TOM1L1: variants seen among roughly 807,000 people sequenced by gnomAD.
The protein encoded by TOM1L1 is TOM1-like protein 1.
In TOM1L1, 64 loss-of-function variants were observed where a neutral mutation model predicts 63.4. The observed-to-expected ratio is 1.01, with a 90% CI of 0.83 to 1.24. The LOEUF (loss-of-function observed/expected upper bound fraction) is 1.24. TOM1L1 is among the 50% of genes most tolerant of loss of function. The probability of loss-of-function intolerance (pLI) is 0.00; values close to 1 mark genes in which losing one functional copy is unlikely to be tolerated. For synonymous variants in TOM1L1, 166 were observed against 194.4 expected (o/e 0.85, Z 1.22); for missense variants, 536 against 567.0 (o/e 0.95, Z 0.55).
chr17:54,952,546 CAAAA>C (rs71159275), intron 14 of TOM1L1: 10 of 90,172 alleles, frequency 1.1e-4, no homozygotes, highest in African/African-American at 3.0e-4. Flanking sequence ...GAGACTGTCT[CAAAA>C]AAAAAAAAAA....
chr17:54,950,181 C>CTCTGCTATCAA, intron 14 of TOM1L1, 55 bp downstream of exon 14: 10 of 1,349,416 alleles, frequency 7.4e-6, no homozygotes, highest in Non-Finnish European at 1.1e-5. Flanking sequence ...CCTTTGATAG[C>CTCTGCTATCAA]AGAGCTAACA....
At chr17:54,934,467 G>A (rs1198115441) in intron 8 of TOM1L1, among the ~76,000 whole-genome samples, 2 of 152,082 alleles carry the variant, frequency 1.3e-5, no homozygotes, top group East Asian at 3.8e-4. Flanking sequence ...GGGTACCTTT[G>A]TGAGGGTGGG....
chr17:54,923,540 ATTATT>A (rs2048717074), intron 7 of TOM1L1, among the ~76,000 whole-genome samples: 1 of 151,220 alleles, frequency 6.6e-6, no homozygotes, highest in Non-Finnish European at 1.5e-5. Context: ...TTTTAAATTA[ATTATT>A]TTATTTATTT....
At chr17:54,925,976 T>TA (rs1342032598) in intron 7 of TOM1L1, among the ~76,000 whole-genome samples, 6 of 152,172 alleles carry the variant, frequency 3.9e-5, no homozygotes, top group Non-Finnish European at 8.8e-5. Context: ...TGTTTATACT[T>TA]ACCTTCTAGT....
intron 6 of TOM1L1, 148 bp from the exon 7 acceptor site, chr17:54,915,594 ATATG>A: frequency 4.3e-6 from 2 of 463,152 alleles, no homozygotes; most frequent in Non-Finnish European, 7.5e-6. Context: ...TAAAATAACT[ATATG>A]TATATTTATA....
chr17:54,901,189 G>A, intron 1 of TOM1L1: 2 of 551,570 alleles, frequency 3.6e-6, no homozygotes, highest in East Asian at 3.1e-5. Flanking sequence ...CAGGTGAACC[G>A]CGGGAGTCAG....
chr17:54,901,631 T>G (rs1483744887), intron 1 of TOM1L1, among the ~76,000 whole-genome samples: 1 of 152,104 alleles, frequency 6.6e-6, no homozygotes, highest in South Asian at 2.1e-4. Context: ...CTGCTCCTTC[T>G]TTTCCCTGAT....
chr17:54,951,929 A>G (rs762416010), intron 14 of TOM1L1: 9 of 152,220 alleles, frequency 5.9e-5, no homozygotes, highest in Non-Finnish European at 1.2e-4. Flanking sequence ...TTTATTACTT[A>G]GCACAAGTAA....
chr17:54,935,844 C>T (rs936603830), intron 8 of TOM1L1, among the ~76,000 whole-genome samples: 8 of 152,052 alleles, frequency 5.3e-5, no homozygotes, highest in Non-Finnish European at 1.0e-4. Flanking sequence ...CAGTGAAGGC[C>T]GGGCGCGGTG....
At chr17:54,915,263 T>C (rs1462641585) in intron 6 of TOM1L1, among the ~76,000 whole-genome samples, 1 of 152,232 alleles carries the variant, frequency 6.6e-6, no homozygotes, top group Non-Finnish European at 1.5e-5. Flanking sequence ...TATATAAAAA[T>C]GCATGTGACT....
intron 8 of TOM1L1, 64 bp downstream of exon 8, chr17:54,930,270 C>A: frequency 6.3e-7 from 1 of 1,599,412 alleles, no homozygotes; most frequent in Non-Finnish European, 8.5e-7. Context: ...AATTACTCAG[C>A]ATTCTTATCA....
chr17:54,955,364 C>CA (rs2049446140), intron 14 of TOM1L1, among the ~76,000 whole-genome samples: 2 of 152,130 alleles, frequency 1.3e-5, no homozygotes, highest in African/African-American at 4.8e-5. Flanking sequence ...TCAGAGAAAG[C>CA]ACACACACTG....
Position 54,914,564 on chromosome 17 carries a change from G to T in TOM1L1, c.499-75G>T, listed in dbSNP as rs2048555333. 9 of 1,197,390 alleles carry T rather than the reference G, an allele frequency of 7.5e-6. No homozygotes were observed. The East Asian group carries it at 2.1e-4, about 28-fold the overall frequency. 74.2% of individuals were successfully genotyped at this position (1,197,390 alleles called of 1,614,324 possible). On this transcript the variant is annotated intron_variant, in intron 5 of 15. Transcript: ENST00000575882. ...CAGGACTTTGAGAGTGCTTGAGTTAGCTGAATGGAAAAAACTTGGCGTTGG... is the reference window on the plus strand; with the variant it reads ...CAGGACTTTGAGAGTGCTTGAGTTATCTGAATGGAAAAAACTTGGCGTTGG...
intron 14 of TOM1L1, among the ~76,000 whole-genome samples, chr17:54,958,689 T>A (rs933996180): frequency 1.5e-5 from 2 of 134,664 alleles, no homozygotes; most frequent in African/African-American, 2.8e-5. Context: ...GAGATCCCAC[T>A]ATTGCACTCT....
chr17:54,931,343 A>T (rs1354095806), intron 8 of TOM1L1, among the ~76,000 whole-genome samples: 1 of 152,190 alleles, frequency 6.6e-6, no homozygotes, highest in East Asian at 1.9e-4. Context: ...TAAATGAGAT[A>T]ATACATATGA....
intron 1 of TOM1L1, among the ~76,000 whole-genome samples, chr17:54,902,990 G>C (rs1257590500): frequency 2.6e-5 from 4 of 152,196 alleles, no homozygotes; most frequent in Admixed American, 2.0e-4. Context: ...GTATGCAATG[G>C]AAGTTTTTAC....
At chr17:54,912,838 G>A in intron 4 of TOM1L1, 23 bp downstream of exon 4, 2 of 1,520,978 alleles carry the variant, frequency 1.3e-6, no homozygotes, top group Non-Finnish European at 1.8e-6. Context: ...TATACCTCAT[G>A]GGATGGTAAA....
Position 54,952,871 on chromosome 17 carries a change from A to C in TOM1L1, c.1370+2745A>C, listed in dbSNP as rs1206348725. On this transcript the variant is annotated intron_variant, in intron 14 of 15. Transcript: ENST00000575882. Reference sequence around the variant, plus strand: ...CCTGATTTAGAGAAATTGTGGCTCCAAACTTAGTCAGAAGGTCCCTTCCCA... The same window carrying C: ...CCTGATTTAGAGAAATTGTGGCTCCCAACTTAGTCAGAAGGTCCCTTCCCA... 2.0e-5 allele frequency: 3 copies of C among 152,256 alleles called. No individual in the cohort carries two copies. In the East Asian group the frequency reaches 5.8e-4, roughly 29 times the overall value. 9.4% of individuals were successfully genotyped at this position (152,256 alleles called of 1,614,324 possible).
intron 3 of TOM1L1, among the ~76,000 whole-genome samples, chr17:54,906,410 G>A (rs530290648): frequency 5.9e-5 from 9 of 151,564 alleles, no homozygotes; most frequent in South Asian, 2.1e-4. Flanking sequence ...TGGAGATTGC[G>A]GTGAGTCGAG....
Sources: gnomAD v4.1 joint callset for allele counts (sites outside exome capture counted in the v4.1 genomes callset) on GRCh38, gnomAD v4.1.1 for gene constraint, MANE v1.5 for transcripts, NCBI Gene and HGNC (gene_info 2026-07-23, HGNC 2026-07-21) for gene names.